The following SH3GL1 variants were observed in gnomAD, a reference collection of about 807,000 sequenced individuals.
The protein encoded by SH3GL1 is endophilin-A2.
A neutral mutation model predicts 48.8 loss-of-function variants in SH3GL1; 21 were observed. That is an observed-to-expected ratio of 0.43 (90% CI 0.30 to 0.62). The LOEUF (loss-of-function observed/expected upper bound fraction) is 0.62, where lower values mean the gene tolerates loss of function less well. Ranked by LOEUF, SH3GL1 falls within the 20% of genes least tolerant of loss-of-function variation. The pLI is 0.11. For missense variants in SH3GL1, 454 were observed against 503.0 expected (o/e 0.90, Z 0.93); for synonymous variants, 282 against 217.5 (o/e 1.30, Z -2.61).
At chr19:4,365,333 G>T in intron 4 of SH3GL1, 149 bp downstream of exon 4, 1 of 1,059,780 alleles carries the variant, frequency 9.4e-7, no homozygotes, top group Non-Finnish European at 1.4e-6. Flanking sequence ...GTTGGTCTGT[G>T]CAGTCTCCTG....
In SH3GL1 at chr19:4,389,205, G is replaced by A. The variant is rs372325675; in HGVS notation, c.45+11119C>T. On this transcript the variant is annotated intron_variant, in intron 1 of 9. Transcript: ENST00000269886. This position sits in a 1 kb window ranked among gnomAD's most constrained non-coding sequence, Gnocchi z 4.5. ...AGAACATGGCCCATCACACATGCCCGAGCACAGCCCAGCCTCAGGAGCTGC... is the reference window on the plus strand; with the variant it reads ...AGAACATGGCCCATCACACATGCCCAAGCACAGCCCAGCCTCAGGAGCTGC... Among the ~76,000 whole-genome samples the A allele has an allele frequency of 6.6e-6, 1 of 152,150 alleles. No individual in the cohort carries two copies. Among genetic ancestry groups the A allele is most frequent in the Non-Finnish European group, 1.5e-5 (1 of 68,014 alleles).
intron 1 of SH3GL1, among the ~76,000 whole-genome samples, chr19:4,392,298 G>C (rs1438857113): frequency 6.6e-6 from 1 of 152,124 alleles, no homozygotes; most frequent in Non-Finnish European, 1.5e-5. Flanking sequence ...AGGCAAGGCA[G>C]GGAGATCACT....
At chr19:4,397,320 T>C (rs77001745) in intron 1 of SH3GL1, among the ~76,000 whole-genome samples, 4 of 152,264 alleles carry the variant, frequency 2.6e-5, no homozygotes, top group African/African-American at 4.8e-5. Context: ...GATGTGGAAA[T>C]AGGCAATCCT....
Position 4,377,554 on chromosome 19 carries a change from C to T in SH3GL1, c.46-10560G>A, listed in dbSNP as rs534394886. Among the ~76,000 whole-genome samples the T allele has an allele frequency of 5.3e-5, 8 of 152,310 alleles. No individual in the cohort carries two copies. The South Asian group carries it at 1.0e-3, about 20-fold the overall frequency. ...AGGCCAGAAGTCATCCCGGGTGGCA[C>T]GGGGCAGGGCAGGGGGTGGTGAGAG... On this transcript the variant is annotated intron_variant, in intron 1 of 9. Transcript: ENST00000269886.
intron 1 of SH3GL1, among the ~76,000 whole-genome samples, chr19:4,371,890 G>A (rs1972909204): frequency 6.6e-6 from 1 of 152,252 alleles, no homozygotes. Context: ...AGACCACAGG[G>A]GCCTCGCCCA....
chr19:4,361,786 G>T lies in SH3GL1; in HGVS notation c.921C>A (p.Asp307Glu). ...RTPSRSMPPL[D>E]QPSCKALYDF... The stretch of plus-strand genomic sequence containing the variant: ...CGTACAGCGCCTTGCAGCTCGGCTG[G>T]TCCAGGGGCGCTGGGGGCGGGAGCG... The change falls in exon 10 of 10, where the codon GAC becomes GAA. Residue 307 changes from aspartate to glutamate, a missense_variant. Asp to Glu is a conservative substitution (Grantham distance 45). This residue lies in a region of SH3GL1 where 278 missense variants were observed against 246.8 expected (regional missense o/e 1.13). Coordinates refer to ENST00000269886, the MANE Select transcript of SH3GL1 (RefSeq NM_003025.4). 1 of 1,607,810 alleles carries T rather than the reference G, an allele frequency of 6.2e-7. No homozygotes were observed.
At chr19:4,382,417 C>T (rs1973154128) in intron 1 of SH3GL1, among the ~76,000 whole-genome samples, 1 of 151,868 alleles carries the variant, frequency 6.6e-6, no homozygotes, top group African/African-American at 2.4e-5. Context: ...ACTACCACGC[C>T]CGGCTAATTT....
At position 4,363,975 on chromosome 19, in the gene SH3GL1, C is replaced by G. The variant is rs1169742837; in HGVS notation, c.466-97G>C. On this transcript the variant is annotated intron_variant, in intron 5 of 9. Transcript: ENST00000269886. ...TGTCCCTGCACCACTGGGGATCCTG[C>G]CTGCCTGAGACCCAGAGGGCAGTGC... The G allele has an allele frequency of 6.9e-6, 11 of 1,604,122 alleles. No individual in the cohort carries two copies. In the East Asian group the frequency reaches 2.2e-4, roughly 33 times the overall value.
chr19:4,369,375 C>G (rs527909363), intron 1 of SH3GL1, among the ~76,000 whole-genome samples: 1 of 152,328 alleles, frequency 6.6e-6, no homozygotes, highest in Non-Finnish European at 1.5e-5. Flanking sequence ...TCTGGGAAGC[C>G]GGGAGGAGAA....
chr19:4,375,765 CTTATAAAAGGA>C (rs1320479837), intron 1 of SH3GL1, among the ~76,000 whole-genome samples: 1 of 152,204 alleles, frequency 6.6e-6, no homozygotes, highest in African/African-American at 2.4e-5. Context: ...CCGATGAAAA[CTTATAAAAGGA>C]AAAAGCCAAC....
intron 1 of SH3GL1, among the ~76,000 whole-genome samples, chr19:4,387,051 C>G (rs966206647): frequency 6.6e-6 from 1 of 152,112 alleles, no homozygotes; most frequent in African/African-American, 2.4e-5. Context: ...ATACTCCTGG[C>G]TCAGCCTCCC....
intron 1 of SH3GL1, among the ~76,000 whole-genome samples, chr19:4,381,087 CCT>C (rs201250463): frequency 0.012 from 1,426 of 119,408 alleles, 18 homozygotes; most frequent in Middle Eastern, 0.069. Flanking sequence ...CTCTCTGTCC[CCT>C]CTCTCTGTCC....
chr19:4,390,219 A>C (rs529919357), intron 1 of SH3GL1: 1 of 152,300 alleles, frequency 6.6e-6, no homozygotes, highest in African/African-American at 2.4e-5. Context: ...TTTTTCTAGG[A>C]GTGGAGAGGA....
chr19:4,361,905 C>T, intron 9 of SH3GL1, 109 bp from the exon 10 acceptor site: 1 of 792,572 alleles, frequency 1.3e-6, no homozygotes, highest in African/African-American at 1.7e-5. Context: ...ATGGGCCTCC[C>T]CTCTGCCCTG....
At chr19:4,378,722 A>C (rs1490618419) in intron 1 of SH3GL1, among the ~76,000 whole-genome samples, 2 of 152,098 alleles carry the variant, frequency 1.3e-5, no homozygotes, top group East Asian at 3.8e-4. Context: ...TCAAAAAATA[A>C]AAATAAAAAA....
intron 1 of SH3GL1, among the ~76,000 whole-genome samples, chr19:4,379,833 A>AT (rs778262934): frequency 5.3e-5 from 8 of 152,104 alleles, no homozygotes; most frequent in Non-Finnish European, 1.2e-4. Flanking sequence ...GCTTACTTGT[A>AT]TTTTGGGGGG....
At position 4,361,267 on chromosome 19, in the gene SH3GL1, T is replaced by G; in HGVS notation, c.*333A>C. On this transcript the variant is annotated 3_prime_UTR_variant, in exon 10 of 10. Coordinates refer to ENST00000269886, the MANE Select transcript of SH3GL1 (RefSeq NM_003025.4). ...AGGTGGGGGCTGCCCCAGAGGAACA[T>G]TAGTGTTTCTAAGAGCACCTTAGTG... is the stretch of plus-strand genomic sequence containing the variant. The G allele has an allele frequency of 2.6e-6, 1 of 391,290 alleles. No individual in the cohort carries two copies. Among genetic ancestry groups the G allele is most frequent in the Admixed American group, 4.2e-5 (1 of 24,016 alleles). 24.2% of individuals were successfully genotyped at this position (391,290 alleles called of 1,614,324 possible).
chr19:4,376,893 C>G lies in SH3GL1; in HGVS notation c.46-9899G>C, dbSNP rs1416742278. On this transcript the variant is annotated intron_variant, in intron 1 of 9. Transcript: ENST00000269886. This position sits in a 1 kb window ranked among gnomAD's most constrained non-coding sequence, Gnocchi z 4.3. ...GCTTAGCGCCCTAGAATAAAGGACC[C>G]CGGGCAACCTCTTGGGGGTCCTCGC... Among the ~76,000 whole-genome samples, 3 of 152,202 alleles carry G rather than the reference C, an allele frequency of 2.0e-5. No individual in the cohort carries two copies. The highest frequency in any genetic ancestry group is 2.9e-5 in the Non-Finnish European group (2 of 68,036).
intron 1 of SH3GL1, among the ~76,000 whole-genome samples, chr19:4,378,460 A>G (rs1280396076): frequency 6.6e-6 from 1 of 152,166 alleles, no homozygotes; most frequent in African/African-American, 2.4e-5. Flanking sequence ...CACACCTGTA[A>G]TCCCAGCACT....
Sources: gnomAD v4.1 joint callset for allele counts (sites outside exome capture counted in the v4.1 genomes callset) on GRCh38, gnomAD v4.1.1 for gene constraint, gnomAD v4.1.1 regional missense constraint, Gnocchi (gnomAD v3.1) non-coding constraint, MANE v1.5 for transcripts, NCBI Gene and HGNC (gene_info 2026-07-23, HGNC 2026-07-21) for gene names.